Variants in WASF2 observed in about 807,000 individuals in gnomAD.
WASF2 encodes the protein WASP family member 2.
A neutral mutation model predicts 45.0 loss-of-function variants in WASF2; 14 were observed. That is an observed-to-expected ratio of 0.31 (90% CI 0.21 to 0.49). WASF2 has a LOEUF of 0.49. Ranked by LOEUF, WASF2 falls within the 20% of genes least tolerant of loss-of-function variation. WASF2 has a pLI of 0.99. For synonymous variants in WASF2, 200 were observed against 236.3 expected (o/e 0.85, Z 1.41); for missense variants, 439 against 636.1 (o/e 0.69, Z 3.33).
intron 1 of WASF2, among the ~76,000 whole-genome samples, chr1:27,438,105 C>T (rs879647721): frequency 2.0e-5 from 3 of 152,238 alleles, no homozygotes; most frequent in Admixed American, 6.5e-5. Context: ...ATGCATTCCT[C>T]TCCAAGTACC....
intron 1 of WASF2, among the ~76,000 whole-genome samples, chr1:27,455,656 A>C (rs1419371009): frequency 6.6e-6 from 1 of 152,070 alleles, no homozygotes; most frequent in African/African-American, 2.4e-5. Flanking sequence ...TGTCTCTGTG[A>C]TTTCACTCAA....
rs772582126 is a variant in WASF2, at chr1:27,410,412, G to A, written c.825-206C>T. On this transcript the variant is annotated intron_variant, in intron 7 of 8. Coordinates refer to ENST00000618852, the MANE Select transcript of WASF2 (RefSeq NM_006990.5). The surrounding 1 kb of genome is among the most constrained non-coding windows in gnomAD (Gnocchi z 4.2). Reference sequence around the variant, plus strand: ...TAAGGTAATGAGCTTCCCACCAGTAGAGGAGGATAGACAGATTGAGTAAAA... The same window carrying A: ...TAAGGTAATGAGCTTCCCACCAGTAAAGGAGGATAGACAGATTGAGTAAAA... 6.6e-6 allele frequency among the ~76,000 whole-genome samples: 1 copy of A among 152,174 alleles called. No individual in the cohort carries two copies. The highest frequency in any genetic ancestry group is 2.4e-5 in the African/African-American group (1 of 41,438).
At chr1:27,412,453 C>A in intron 7 of WASF2, 119 bp downstream of exon 7, 1 of 1,380,964 alleles carries the variant, frequency 7.2e-7, no homozygotes, top group East Asian at 2.3e-5. Flanking sequence ...CGAGATCCTC[C>A]CACCACCTTG....
chr1:27,476,190 A>C (rs1020477392), intron 1 of WASF2, among the ~76,000 whole-genome samples: 3 of 152,240 alleles, frequency 2.0e-5, no homozygotes, highest in Non-Finnish European at 4.4e-5. Flanking sequence ...TACACATCTG[A>C]TGAGAAGGTA....
intron 1 of WASF2, among the ~76,000 whole-genome samples, chr1:27,457,859 G>A (rs917202229): frequency 5.7e-4 from 87 of 151,930 alleles, no homozygotes; most frequent in African/African-American, 2.0e-3. Flanking sequence ...TGGGCCTCAA[G>A]CAATCCTCCC....
Position 27,419,093 on chromosome 1 carries a change from A to C in WASF2, c.131-5T>G. On this transcript the variant is annotated splice_polypyrimidine_tract_variant and splice_region_variant and intron_variant, in intron 2 of 8. Coordinates refer to ENST00000618852, the MANE Select transcript of WASF2 (RefSeq NM_006990.5). ...AAATGTCCTCTGCATATTTACCTGGAAAGAGCAAAGAAACCAAGTCACTAG... is the reference window on the plus strand; with the variant it reads ...AAATGTCCTCTGCATATTTACCTGGCAAGAGCAAAGAAACCAAGTCACTAG... 1.2e-6 allele frequency: 2 copies of C among 1,613,070 alleles called. No homozygotes were observed. Among genetic ancestry groups the C allele is most frequent in the Non-Finnish European group, 1.7e-6 (2 of 1,179,294 alleles).
At chr1:27,467,230 A>C (rs2017625582) in intron 1 of WASF2, among the ~76,000 whole-genome samples, 1 of 150,384 alleles carries the variant, frequency 6.6e-6, no homozygotes, top group Admixed American at 6.6e-5. Flanking sequence ...AAAAAAAAAA[A>C]AACCAAAACA....
At chr1:27,411,914 A>C (rs1164588291) in intron 7 of WASF2, among the ~76,000 whole-genome samples, 4 of 152,200 alleles carry the variant, frequency 2.6e-5, no homozygotes, top group Non-Finnish European at 2.9e-5. Context: ...AACAAGAAAG[A>C]AGCTGGTGAT....
intron 1 of WASF2, among the ~76,000 whole-genome samples, chr1:27,446,127 AAAGT>A (rs1324964568): frequency 9.2e-5 from 14 of 152,284 alleles, no homozygotes; most frequent in East Asian, 1.9e-4. Context: ...TTAATCGTAA[AAAGT>A]AATTACAATA....
chr1:27,484,747 G>C (rs1177155980), intron 1 of WASF2, among the ~76,000 whole-genome samples: 1 of 149,864 alleles, frequency 6.7e-6, no homozygotes, highest in Non-Finnish European at 1.5e-5. Context: ...GGGAGGCGGA[G>C]GTTGCAGTTA....
chr1:27,454,850 G>A (rs2017446506), intron 1 of WASF2, among the ~76,000 whole-genome samples: 1 of 152,158 alleles, frequency 6.6e-6, no homozygotes, highest in South Asian at 2.1e-4. Context: ...CCAATCTCAA[G>A]TTGATCGACA....
At chr1:27,434,325 T>C (rs545554597) in intron 1 of WASF2, among the ~76,000 whole-genome samples, 15 of 152,346 alleles carry the variant, frequency 9.8e-5, no homozygotes, top group African/African-American at 2.6e-4. Flanking sequence ...ATTTTTATTC[T>C]GGGCTTTGTG....
At chr1:27,452,197 T>G (rs1306037030) in intron 1 of WASF2, among the ~76,000 whole-genome samples, 1 of 152,220 alleles carries the variant, frequency 6.6e-6, no homozygotes, top group Non-Finnish European at 1.5e-5. Flanking sequence ...TAAAATTATT[T>G]AGAGATATAG....
Position 27,477,824 on chromosome 1 carries a change from G to A in WASF2, c.-44+12162C>T, listed in dbSNP as rs1228460838. Among the ~76,000 whole-genome samples the A allele has an allele frequency of 1.1e-4, 12 of 112,860 alleles. No homozygotes were observed. The Middle Eastern group carries it at 0.014, about 133-fold the overall frequency. The allele number at this position is 112,860 out of a possible 152,430, so 74.0% of individuals were successfully genotyped here. A position where few individuals can be genotyped will look rare whatever the true frequency, so the allele number is the denominator to read the frequency against. The stretch of plus-strand genomic sequence containing the variant: ...TGAGGCAGGAGAATGGCGTGAACCC[G>A]GGAGGCGGAGCTTGCAGTGAGCCGA... On this transcript the variant is annotated intron_variant, in intron 1 of 8. Coordinates refer to ENST00000618852, the MANE Select transcript of WASF2 (RefSeq NM_006990.5).
intron 1 of WASF2, among the ~76,000 whole-genome samples, chr1:27,429,148 G>A (rs1372585718): frequency 3.5e-5 from 1 of 28,784 alleles, no homozygotes; most frequent in African/African-American, 1.1e-4. Flanking sequence ...TGCTATGTAA[G>A]TTTAGAAATT....
At chr1:27,431,408 G>C (rs1015347599) in intron 1 of WASF2, among the ~76,000 whole-genome samples, 8 of 152,086 alleles carry the variant, frequency 5.3e-5, no homozygotes, top group African/African-American at 1.9e-4. Flanking sequence ...GGTGGGAGGA[G>C]GTTACATATG....
intron 1 of WASF2, among the ~76,000 whole-genome samples, chr1:27,479,008 C>T (rs780295102): frequency 1.3e-5 from 2 of 151,794 alleles, no homozygotes; most frequent in East Asian, 2.0e-4. Flanking sequence ...TGGTTAGGGC[C>T]GGGTGTGGTG....
intron 3 of WASF2, among the ~76,000 whole-genome samples, 171 bp downstream of exon 3, chr1:27,418,783 G>A (rs948961730): frequency 6.6e-6 from 1 of 152,080 alleles, no homozygotes; most frequent in Non-Finnish European, 1.5e-5. Context: ...GGGGTGTGGT[G>A]GAGCTAAAAA....
chr1:27,409,593 T>C, intron 8 of WASF2, 99 bp downstream of exon 8: 1 of 1,348,186 alleles, frequency 7.4e-7, no homozygotes, highest in Non-Finnish European at 9.6e-7. Flanking sequence ...AGCCGTTTCC[T>C]GGGAAGGGCA....
Sources: allele counts gnomAD v4.1 joint callset (sites outside exome capture counted in the v4.1 genomes callset), GRCh38; gene constraint gnomAD v4.1.1; non-coding constraint Gnocchi (gnomAD v3.1); transcripts MANE v1.5; gene names NCBI Gene and HGNC (gene_info 2026-07-23, HGNC 2026-07-21).